SLC35F1: variants seen among roughly 807,000 people sequenced by gnomAD.
SLC35F1 encodes the protein solute carrier family 35 member F1, also known as chromosome 6 open reading frame 169.
A neutral mutation model predicts 48.7 loss-of-function variants in SLC35F1; 14 were observed. The ratio of observed to expected loss-of-function variants is 0.29; its 90% CI spans 0.19 to 0.45. SLC35F1 has a LOEUF of 0.45. Among genes scored for constraint, SLC35F1 ranks in the 20% least tolerant of loss-of-function variants. The pLI is 1.00. For missense variants in SLC35F1, 404 were observed against 500.0 expected (o/e 0.81, Z 1.83); for synonymous variants, 190 against 202.2 (o/e 0.94, Z 0.51).
intron 1 of SLC35F1, among the ~76,000 whole-genome samples, chr6:118,091,776 G>C (rs1773077389): frequency 6.6e-6 from 1 of 152,196 alleles, no homozygotes; most frequent in Admixed American, 6.5e-5. Flanking sequence ...ACTTCCTAGA[G>C]ACTTGTTGAA....
At chr6:118,206,634 T>C (rs944409323) in intron 2 of SLC35F1, among the ~76,000 whole-genome samples, 1 of 152,234 alleles carries the variant, frequency 6.6e-6, no homozygotes, top group African/African-American at 2.4e-5. Context: ...TATATATTTC[T>C]AAAACAGAAA....
intron 1 of SLC35F1, among the ~76,000 whole-genome samples, chr6:118,062,288 T>C (rs376867765): frequency 6.6e-6 from 1 of 152,312 alleles, no homozygotes; most frequent in East Asian, 1.9e-4. Context: ...ATTTTCAAAA[T>C]GAGATCTAAA....
At chr6:118,310,945 A>G (rs936639408) in intron 7 of SLC35F1, among the ~76,000 whole-genome samples, 3 of 152,326 alleles carry the variant, frequency 2.0e-5, no homozygotes, top group African/African-American at 7.2e-5. Flanking sequence ...ATATTGATCA[A>G]GTCTAAAATC....
At chr6:118,106,351 T>A (rs1251733218) in intron 1 of SLC35F1, among the ~76,000 whole-genome samples, 1 of 152,206 alleles carries the variant, frequency 6.6e-6, no homozygotes, top group Non-Finnish European at 1.5e-5. Context: ...TCTCTCCCCA[T>A]GTCCATCCAA....
At chr6:118,213,490 G>A (rs1382698211) in intron 2 of SLC35F1, among the ~76,000 whole-genome samples, 2 of 152,088 alleles carry the variant, frequency 1.3e-5, no homozygotes, top group African/African-American at 4.8e-5. Context: ...AGTATATTTG[G>A]GTACTGGTAA....
At chr6:118,304,880 C>G (rs1270954888) in intron 7 of SLC35F1, among the ~76,000 whole-genome samples, 1 of 150,294 alleles carries the variant, frequency 6.7e-6, no homozygotes, top group African/African-American at 2.5e-5. Flanking sequence ...GATTTTGATT[C>G]TAGAGCTCAT....
Position 118,115,269 on chromosome 6 carries a change from T to C in SLC35F1, c.174-39176T>C, listed in dbSNP as rs146747088. 2.5e-4 allele frequency among the ~76,000 whole-genome samples: 38 copies of C among 151,912 alleles called. No individual in the cohort carries two copies. The East Asian group carries it at 6.8e-3, about 27-fold the overall frequency. ...GGAAGATTTGTAGAGGAAGAGAGGGTCCCTACTGCTGCTAGAAACAAGGTG... is the reference window on the plus strand; with the variant it reads ...GGAAGATTTGTAGAGGAAGAGAGGGCCCCTACTGCTGCTAGAAACAAGGTG... On this transcript the variant is annotated intron_variant, in intron 1 of 7. Transcript: ENST00000360388.
intron 1 of SLC35F1, among the ~76,000 whole-genome samples, chr6:118,022,702 A>G (rs1777409963): frequency 6.6e-6 from 1 of 152,006 alleles, no homozygotes; most frequent in Non-Finnish European, 1.5e-5. Context: ...TTGTCAGGGA[A>G]TAGAAATCAT....
chr6:118,081,071 C>A (rs1043204356), intron 1 of SLC35F1, among the ~76,000 whole-genome samples: 3 of 152,152 alleles, frequency 2.0e-5, no homozygotes, highest in African/African-American at 7.2e-5. Context: ...TGGCTAATTT[C>A]AGAAGCTCAG....
intron 2 of SLC35F1, among the ~76,000 whole-genome samples, chr6:118,200,298 G>A (rs1295188457): frequency 1.3e-5 from 2 of 152,124 alleles, no homozygotes. Context: ...GTATAGAACT[G>A]GGCTCAATTC....
chr6:118,044,667 A>C (rs1454869911), intron 1 of SLC35F1, among the ~76,000 whole-genome samples: 2 of 152,216 alleles, frequency 1.3e-5, no homozygotes, highest in African/African-American at 4.8e-5. Flanking sequence ...AATAATTAAG[A>C]ATTATTCCAG....
chr6:118,179,610 T>A (rs1774542059), intron 2 of SLC35F1, among the ~76,000 whole-genome samples: 1 of 152,086 alleles, frequency 6.6e-6, no homozygotes, highest in African/African-American at 2.4e-5. Context: ...ACCTCTTAGC[T>A]TGGTCAAATT....
intron 1 of SLC35F1, among the ~76,000 whole-genome samples, chr6:117,947,193 A>G (rs956804485): frequency 6.6e-6 from 1 of 152,180 alleles, no homozygotes; most frequent in Non-Finnish European, 1.5e-5. Context: ...ACATGAGGGA[A>G]CAAGCTAGTT....
chr6:118,200,995 C>T (rs1385594896), intron 2 of SLC35F1, among the ~76,000 whole-genome samples: 1 of 152,172 alleles, frequency 6.6e-6, no homozygotes, highest in Non-Finnish European at 1.5e-5. Flanking sequence ...AAGCAATCTT[C>T]CCGCCTCAAC....
At chr6:118,150,762 AATCATTTTAAACATT>A (rs2114461612) in intron 1 of SLC35F1, among the ~76,000 whole-genome samples, 1 of 152,312 alleles carries the variant, frequency 6.6e-6, no homozygotes, top group South Asian at 2.1e-4. Context: ...TTAATTTTTA[AATCATTTTAAACATT>A]ATTATTTTAA....
intron 7 of SLC35F1, among the ~76,000 whole-genome samples, chr6:118,311,720 G>C (rs999322251): frequency 1.3e-5 from 2 of 152,144 alleles, no homozygotes; most frequent in African/African-American, 2.4e-5. Context: ...GATTCTGGAA[G>C]ATTGATGCTG....
chr6:118,263,245 A>G (rs1022350361), intron 3 of SLC35F1, among the ~76,000 whole-genome samples: 24 of 152,026 alleles, frequency 1.6e-4, no homozygotes, highest in African/African-American at 5.8e-4. Context: ...TAGTAGAGAC[A>G]GGGTTTCTCC....
intron 1 of SLC35F1, among the ~76,000 whole-genome samples, chr6:118,122,611 C>T (rs1044492045): frequency 2.6e-5 from 4 of 152,166 alleles, no homozygotes; most frequent in African/African-American, 7.2e-5. Context: ...AACTTTTAAC[C>T]AGAGCTTCCA....
At chr6:117,925,062 T>A (rs1776011042) in intron 1 of SLC35F1, among the ~76,000 whole-genome samples, 1 of 152,208 alleles carries the variant, frequency 6.6e-6, no homozygotes, top group Admixed American at 6.5e-5. Flanking sequence ...GTAATTGTGT[T>A]ACATGGAAAT....
Sources: gnomAD v4.1 joint callset for allele counts (sites outside exome capture counted in the v4.1 genomes callset) on GRCh38, gnomAD v4.1.1 for gene constraint, MANE v1.5 for transcripts, NCBI Gene and HGNC (gene_info 2026-07-23, HGNC 2026-07-21) for gene names.